ZNF385D: variants seen among roughly 807,000 people sequenced by gnomAD.
ZNF385D encodes the protein zinc finger protein 385D.
Under a neutral mutation model 35.8 loss-of-function variants are expected in ZNF385D, and 15 were observed. That is an observed-to-expected ratio of 0.42 (90% CI 0.28 to 0.64). The LOEUF (loss-of-function observed/expected upper bound fraction) is 0.64. ZNF385D is among the 30% of genes least tolerant of loss of function. The pLI is 0.23. For synonymous variants in ZNF385D, 212 were observed against 186.8 expected (o/e 1.13, Z -1.10); for missense variants, 474 against 494.6 (o/e 0.96, Z 0.39).
At chr3:22,326,988 T>C (rs996992937) in intron 2 of ZNF385D, among the ~76,000 whole-genome samples, 2 of 152,190 alleles carry the variant, frequency 1.3e-5, no homozygotes, top group African/African-American at 2.4e-5. Context: ...TCTATTGCTT[T>C]GGGTCATTAA....
chr3:22,023,525 G>C (rs1158946094), intron 3 of ZNF385D, among the ~76,000 whole-genome samples: 1 of 152,090 alleles, frequency 6.6e-6, no homozygotes, highest in African/African-American at 2.4e-5. Context: ...ATAAAATGGA[G>C]TCATTGTTAC....
intron 1 of ZNF385D, among the ~76,000 whole-genome samples, chr3:21,723,081 A>G (rs1380630655): frequency 1.3e-5 from 2 of 152,188 alleles, no homozygotes; most frequent in Non-Finnish European, 2.9e-5. Flanking sequence ...TATAAAGGGT[A>G]AAAAACAAAG....
intron 3 of ZNF385D, among the ~76,000 whole-genome samples, chr3:22,147,312 C>T (rs1005519921): frequency 6.6e-6 from 1 of 152,098 alleles, no homozygotes; most frequent in African/African-American, 2.4e-5. Context: ...GGGATTGATG[C>T]CAGTTCCAAC....
intron 3 of ZNF385D, among the ~76,000 whole-genome samples, chr3:21,959,125 A>C (rs1348802870): frequency 6.6e-6 from 1 of 152,208 alleles, no homozygotes; most frequent in Non-Finnish European, 1.5e-5. Flanking sequence ...ATTGCACTTA[A>C]AGTATCACAA....
intron 2 of ZNF385D, among the ~76,000 whole-genome samples, chr3:22,286,059 A>G (rs1702006373): frequency 6.6e-6 from 1 of 152,146 alleles, no homozygotes; most frequent in African/African-American, 2.4e-5. Flanking sequence ...GGTTTATAAT[A>G]AACTACAGTG....
intron 3 of ZNF385D, among the ~76,000 whole-genome samples, chr3:21,939,712 C>T (rs1395630409): frequency 6.6e-6 from 1 of 152,024 alleles, no homozygotes; most frequent in Non-Finnish European, 1.5e-5. Context: ...ATAACTGATG[C>T]CATGAGATTA....
chr3:22,203,938 C>A (rs1238857344), intron 2 of ZNF385D, among the ~76,000 whole-genome samples: 1 of 152,062 alleles, frequency 6.6e-6, no homozygotes, highest in Non-Finnish European at 1.5e-5. Context: ...GAAAAGAAGT[C>A]TGGTTGGCTT....
intron 2 of ZNF385D, among the ~76,000 whole-genome samples, chr3:21,583,978 A>ATTTATTTATTTAT (rs1485385189): frequency 6.7e-6 from 1 of 149,648 alleles, no homozygotes. Flanking sequence ...TTATTTATTT[A>ATTTATTTATTTAT]TTTATTTATT....
intron 1 of ZNF385D, among the ~76,000 whole-genome samples, chr3:21,732,066 T>TTTTTTTTTTTTTTTTTTTTTTTTTTTC (rs2069039755): frequency 9.2e-6 from 1 of 109,028 alleles, no homozygotes; most frequent in South Asian, 2.8e-4. Flanking sequence ...TTTTTTTTTT[T>TTTTTTTTTTTTTTTTTTTTTTTTTTTC]TTTGAGAACG....
chr3:21,428,999 G>T (rs926012064), intron 5 of ZNF385D, among the ~76,000 whole-genome samples: 1 of 143,398 alleles, frequency 7.0e-6, no homozygotes, highest in African/African-American at 2.6e-5. Flanking sequence ...TACATATTAC[G>T]CTTAAAATCA....
In ZNF385D at chr3:21,807,221, A is replaced by G. The variant is rs115443707; in HGVS notation, c.326-142193T>C. Among the ~76,000 whole-genome samples the G allele has an allele frequency of 4.5e-3, 685 of 152,308 alleles. 5 individuals are homozygous for G. The highest frequency in any genetic ancestry group is 0.016 in the African/African-American group (661 of 41,570). On this transcript the variant is annotated intron_variant, in intron 3 of 5. Coordinates refer to the ZNF385D transcript ENST00000494108. The stretch of plus-strand genomic sequence containing the variant: ...CTAAAATATCCAAATCATTATTGAG[A>G]TATTTTGCATTTTTTATAAGCAAAG...
intron 3 of ZNF385D, among the ~76,000 whole-genome samples, chr3:21,798,842 G>A (rs78348856): frequency 0.019 from 2,870 of 152,188 alleles, 65 homozygotes; most frequent in African/African-American, 0.044. Context: ...ATTTTAAAAT[G>A]TACAATTCAG....
intron 3 of ZNF385D, among the ~76,000 whole-genome samples, chr3:22,063,385 G>T (rs936098683): frequency 3.9e-5 from 6 of 151,924 alleles, no homozygotes; most frequent in African/African-American, 1.5e-4. Context: ...ATTGAATAAA[G>T]CCTCAGAGTT....
At chr3:21,989,697 C>G (rs1695041579) in intron 3 of ZNF385D, among the ~76,000 whole-genome samples, 1 of 152,024 alleles carries the variant, frequency 6.6e-6, no homozygotes, top group South Asian at 2.1e-4. Flanking sequence ...AAAGGACAGC[C>G]AAACCATCCA....
intron 3 of ZNF385D, among the ~76,000 whole-genome samples, chr3:21,520,337 T>A (rs757725462): frequency 2.6e-5 from 4 of 152,250 alleles, no homozygotes; most frequent in Non-Finnish European, 5.9e-5. Flanking sequence ...CTCATCATCC[T>A]GTCCCTAGGA....
At position 22,138,004 on chromosome 3, in the gene ZNF385D, T is replaced by C. The variant is rs561999948; in HGVS notation, c.325+30813A>G. ...ATACAAAATCAATGTGCAAAAATCA[T>C]AAGCAATCGTATACACCAATAACAG... is the stretch of plus-strand genomic sequence containing the variant. On this transcript the variant is annotated intron_variant, in intron 3 of 5. Coordinates refer to the ZNF385D transcript ENST00000494108. 1.9e-3 allele frequency among the ~76,000 whole-genome samples: 294 copies of C among 152,250 alleles called. 11 individuals carry two copies. In the South Asian group the frequency reaches 0.058, roughly 30 times the overall value.
chr3:22,345,491 A>G (rs1360203395), intron 2 of ZNF385D, among the ~76,000 whole-genome samples: 1 of 152,252 alleles, frequency 6.6e-6, no homozygotes, highest in East Asian at 1.9e-4. Context: ...AAATGACAAC[A>G]ATATCCCAAG....
intron 3 of ZNF385D, among the ~76,000 whole-genome samples, chr3:22,080,718 C>T (rs1382087596): frequency 6.6e-6 from 1 of 151,886 alleles, no homozygotes; most frequent in Non-Finnish European, 1.5e-5. Context: ...TTCCTAATCC[C>T]CAAGATGATA....
At chr3:21,730,810 T>C (rs950888246) in intron 1 of ZNF385D, among the ~76,000 whole-genome samples, 1 of 152,268 alleles carries the variant, frequency 6.6e-6, no homozygotes, top group Non-Finnish European at 1.5e-5. Context: ...ACTTTCATTA[T>C]TTGCTGTTAT....
Sources: gnomAD v4.1 joint callset for allele counts (sites outside exome capture counted in the v4.1 genomes callset) on GRCh38, gnomAD v4.1.1 for gene constraint, MANE v1.5 for transcripts, NCBI Gene and HGNC (gene_info 2026-07-23, HGNC 2026-07-21) for gene names.